The following KLF12 variants were observed in gnomAD, a reference collection of about 807,000 sequenced individuals.
The protein encoded by KLF12 is Krueppel-like factor 12.
A neutral mutation model predicts 37.8 loss-of-function variants in KLF12; 9 were observed. The ratio of observed to expected loss-of-function variants is 0.24; its 90% CI spans 0.14 to 0.42. The LOEUF (loss-of-function observed/expected upper bound fraction) is 0.42, where lower values mean the gene tolerates loss of function less well. Ranked by LOEUF, KLF12 falls within the 10% of genes least tolerant of loss-of-function variation. KLF12 has a pLI of 1.00. For synonymous variants in KLF12, 208 were observed against 202.1 expected (o/e 1.03, Z -0.25); for missense variants, 411 against 516.0 (o/e 0.80, Z 1.97).
Position 73,983,645 on chromosome 13 carries a change from T to C in KLF12, c.33+11345A>G, listed in dbSNP as rs1032234251. ...CAATTATTCACATATTTCCATCATG[T>C]ACAAAATCAGAATCCTCCTTTTCCT... On this transcript the variant is annotated intron_variant, in intron 2 of 7. Transcript: ENST00000377669. Among the ~76,000 whole-genome samples the C allele has an allele frequency of 4.3e-4, 66 of 152,258 alleles. 3 individuals carry two copies. The highest frequency in any genetic ancestry group is 1.5e-5 in the Non-Finnish European group (1 of 68,038).
chr13:74,162,526 T>C, the KLF12 span, among the ~76,000 whole-genome samples: 38 of 152,326 alleles, frequency 2.5e-4, no homozygotes, highest in African/African-American at 8.4e-4. Context: ...GCCCATTTTC[T>C]TTTGTCTGTG....
upstream of KLF12, among the ~76,000 whole-genome samples, chr13:74,137,422 A>C (rs1216462089): frequency 6.6e-6 from 1 of 152,160 alleles, no homozygotes; most frequent in African/African-American, 2.4e-5. Context: ...ATATATAAAA[A>C]CTTCATTTAC....
intron 1 of KLF12, among the ~76,000 whole-genome samples, chr13:74,002,161 T>C (rs1172905920): frequency 1.3e-5 from 2 of 152,190 alleles, no homozygotes; most frequent in Non-Finnish European, 2.9e-5. Flanking sequence ...CAAGTTTGTG[T>C]ATTTAGATAT....
chr13:74,179,899 C>T, the KLF12 span, among the ~76,000 whole-genome samples: 2 of 152,250 alleles, frequency 1.3e-5, no homozygotes, highest in South Asian at 4.1e-4. Context: ...ACATAATTAA[C>T]TTGTACTTAA....
intron 6 of KLF12, among the ~76,000 whole-genome samples, chr13:73,761,907 C>A (rs925813727): frequency 6.6e-6 from 1 of 152,140 alleles, no homozygotes; most frequent in Admixed American, 6.6e-5. Flanking sequence ...GAAATTCACA[C>A]GACCAAACCC....
chr13:73,973,260 G>T (rs961881519), intron 2 of KLF12, among the ~76,000 whole-genome samples: 3 of 152,044 alleles, frequency 2.0e-5, no homozygotes, highest in Non-Finnish European at 4.4e-5. Flanking sequence ...TGTGCAATAG[G>T]GCTCTTACCA....
the KLF12 span, among the ~76,000 whole-genome samples, chr13:74,208,388 T>C: frequency 6.6e-6 from 1 of 152,198 alleles, no homozygotes; most frequent in Non-Finnish European, 1.5e-5. Flanking sequence ...AATCTATCAC[T>C]AATTATGTGT....
At chr13:73,827,171 T>A (rs11841890) in intron 4 of KLF12, among the ~76,000 whole-genome samples, 38,409 of 152,148 alleles carry the variant, frequency 0.25, 5,047 homozygotes, top group East Asian at 0.49. Flanking sequence ...AAAGATACCA[T>A]TTTCTAAATG....
the KLF12 span, among the ~76,000 whole-genome samples, chr13:74,148,490 C>T: frequency 7.1e-6 from 1 of 140,886 alleles, no homozygotes; most frequent in African/African-American, 2.6e-5. Context: ...TTCACTCCCC[C>T]CCCACCCCAC....
the KLF12 span, among the ~76,000 whole-genome samples, chr13:74,203,162 G>A: frequency 6.6e-6 from 1 of 152,056 alleles, no homozygotes; most frequent in Non-Finnish European, 1.5e-5. Context: ...TTAGTTTGAA[G>A]AATGTGTGGG....
At chr13:74,181,188 C>CG in the KLF12 span, among the ~76,000 whole-genome samples, 2,890 of 151,458 alleles carry the variant, frequency 0.019, 84 homozygotes, top group African/African-American at 0.064. Context: ...TTAGTAGAGA[C>CG]GGGGTCTCAC....
chr13:73,781,944 C>T (rs934582124), intron 5 of KLF12, among the ~76,000 whole-genome samples: 32 of 152,158 alleles, frequency 2.1e-4, no homozygotes, highest in African/African-American at 7.2e-4. Context: ...ACAATTTAAT[C>T]ATACAAAGGA....
intron 1 of KLF12, among the ~76,000 whole-genome samples, chr13:74,022,979 C>T (rs1189055367): frequency 1.3e-5 from 2 of 151,084 alleles, no homozygotes; most frequent in East Asian, 1.9e-4. Flanking sequence ...GGTGTTGGGG[C>T]TCACGCATCA....
chr13:73,950,310 C>A (rs536985562), intron 2 of KLF12, among the ~76,000 whole-genome samples: 4 of 152,244 alleles, frequency 2.6e-5, no homozygotes, highest in African/African-American at 9.6e-5. Flanking sequence ...AAACTGGGAG[C>A]CAAAATTTAC....
chr13:74,203,782 G>GACAGATCCAGTGCTCAGGTT, the KLF12 span, among the ~76,000 whole-genome samples: 29 of 152,222 alleles, frequency 1.9e-4, no homozygotes, highest in African/African-American at 6.3e-4. Flanking sequence ...AGGTTACAGA[G>GACAGATCCAGTGCTCAGGTT]ACAGAGAGCT....
chr13:74,207,503 G>C, the KLF12 span, among the ~76,000 whole-genome samples: 2 of 151,930 alleles, frequency 1.3e-5, no homozygotes, highest in African/African-American at 4.8e-5. Flanking sequence ...GTGAAACCCC[G>C]TCTCTACTAA....
intron 3 of KLF12, among the ~76,000 whole-genome samples, chr13:73,904,663 G>A (rs1179388154): frequency 2.0e-5 from 3 of 151,754 alleles, no homozygotes; most frequent in Non-Finnish European, 4.4e-5. Flanking sequence ...ATTTTATTAC[G>A]AGACTATCAT....
intron 2 of KLF12, chr13:73,962,013 T>G (rs1380981152): frequency 4.4e-6 from 2 of 455,026 alleles, no homozygotes; most frequent in African/African-American, 4.0e-5. Flanking sequence ...TGAACTGAAA[T>G]TATGTCCATG....
chr13:74,080,703 C>T (rs140729370), intron 1 of KLF12, among the ~76,000 whole-genome samples: 1 of 152,250 alleles, frequency 6.6e-6, no homozygotes, highest in East Asian at 1.9e-4. Flanking sequence ...TAGTTTCCAA[C>T]TTGTAAGTAA....
Sources: allele counts gnomAD v4.1 joint callset (sites outside exome capture counted in the v4.1 genomes callset), GRCh38; gene constraint gnomAD v4.1.1; transcripts MANE v1.5; gene names NCBI Gene and HGNC (gene_info 2026-07-23, HGNC 2026-07-21).